The following POLN variants were observed in gnomAD, a reference collection of about 807,000 sequenced individuals.
POLN encodes DNA polymerase N.
Under a neutral mutation model 113.5 loss-of-function variants are expected in POLN, and 108 were observed. That is an observed-to-expected ratio of 0.95 (90% CI 0.81 to 1.12). The LOEUF (loss-of-function observed/expected upper bound fraction) is 1.12. Among genes scored for constraint, POLN ranks in the 50% most tolerant of loss-of-function variants. The pLI, the probability that POLN is intolerant of heterozygous loss-of-function variation, is 0.00. For synonymous variants in POLN, 386 were observed against 391.5 expected (o/e 0.99, Z 0.17); for missense variants, 1,097 against 1,077.1 (o/e 1.02, Z -0.26).
At chr4:2,182,761 GT>G (rs1404140769) in intron 7 of POLN, among the ~76,000 whole-genome samples, 1 of 151,118 alleles carries the variant, frequency 6.6e-6, no homozygotes, top group Non-Finnish European at 1.5e-5. Flanking sequence ...TTAAACAATA[GT>G]TTCTTAGATT....
rs1047167811 is a variant in POLN, at chr4:2,241,471, A to C, written c.-13+49T>G. On this transcript the variant is annotated intron_variant, in intron 2 of 25. Transcript: ENST00000511885. Reference sequence around the variant, plus strand: ...TCTTCCCTGCCCTCCGTACGTAAGAAGACGCAAATAAGCATGGCACATCTT... The same window carrying C: ...TCTTCCCTGCCCTCCGTACGTAAGACGACGCAAATAAGCATGGCACATCTT... 5.0e-5 allele frequency: 49 copies of C among 984,390 alleles called. No individual in the cohort carries two copies. The Middle Eastern group carries it at 2.6e-3, about 53-fold the overall frequency. 61.0% of individuals were successfully genotyped at this position (984,390 alleles called of 1,614,324 possible).
chr4:2,225,509 G>A lies in POLN; in HGVS notation c.133+3590C>T, dbSNP rs139941842. On this transcript the variant is annotated intron_variant, in intron 3 of 25. Transcript: ENST00000511885. Reference sequence around the variant, plus strand: ...GGGGGGGTTGCAGTGAGCCGAGATCGCACCACTGTACTCCAGCTTGGGTGA... The same window carrying A: ...GGGGGGGTTGCAGTGAGCCGAGATCACACCACTGTACTCCAGCTTGGGTGA... 7.7e-3 allele frequency among the ~76,000 whole-genome samples: 1,170 copies of A among 151,270 alleles called. 17 individuals are homozygous for A. The highest frequency in any genetic ancestry group is 0.027 in the African/African-American group (1,108 of 41,110).
intron 16 of POLN, among the ~76,000 whole-genome samples, chr4:2,142,497 A>G (rs1732027367): frequency 6.6e-6 from 1 of 152,216 alleles, no homozygotes; most frequent in South Asian, 2.1e-4. Context: ...AGATACAACT[A>G]AAACCCTGGG....
chr4:2,090,605 G>A (rs965928106), intron 20 of POLN: 71 of 435,958 alleles, frequency 1.6e-4, no homozygotes, highest in African/African-American at 1.4e-3. Flanking sequence ...CGAACATTCC[G>A]ATGCTGGGCC....
At chr4:2,095,957 A>C in intron 19 of POLN, 24 bp from the exon 20 acceptor site, 1 of 1,609,162 alleles carries the variant, frequency 6.2e-7, no homozygotes, top group Non-Finnish European at 8.5e-7. Context: ...CCATGTGTGA[A>C]GTTCAGGCAC....
At chr4:2,182,442 G>C (rs1433347756) in intron 7 of POLN, among the ~76,000 whole-genome samples, 1 of 152,176 alleles carries the variant, frequency 6.6e-6, no homozygotes, top group Admixed American at 6.5e-5. Flanking sequence ...ACAAGTCAAG[G>C]AGTGAAAAGG....
intron 13 of POLN, among the ~76,000 whole-genome samples, chr4:2,168,523 T>G (rs1732784155): frequency 6.6e-6 from 1 of 152,216 alleles, no homozygotes; most frequent in South Asian, 2.1e-4. Flanking sequence ...AATGAGCTCC[T>G]CGTGAAAGCT....
chr4:2,202,054 C>T (rs866388974), intron 5 of POLN, among the ~76,000 whole-genome samples: 1 of 152,076 alleles, frequency 6.6e-6, no homozygotes, highest in African/African-American at 2.4e-5. Flanking sequence ...CCTGGAAACA[C>T]ATCAAAACAG....
intron 5 of POLN, among the ~76,000 whole-genome samples, chr4:2,201,055 C>A (rs1025188961): frequency 1.8e-4 from 27 of 151,882 alleles, no homozygotes; most frequent in African/African-American, 6.5e-4. Flanking sequence ...ATCATGAGGT[C>A]GGGAGATCGA....
At chr4:2,223,220 TGTTATGAAAACATCATAGATCAAGG>T (rs1734303617) in intron 3 of POLN, among the ~76,000 whole-genome samples, 1 of 152,162 alleles carries the variant, frequency 6.6e-6, no homozygotes, top group Non-Finnish European at 1.5e-5. Flanking sequence ...GTGATTTCAT[TGTTATGAAAACATCATAGATCAAGG>T]GTCCCCAACC....
rs191767457 is a variant in POLN, at chr4:2,184,073, T to G, written c.1022-4608A>C. On this transcript the variant is annotated intron_variant, in intron 7 of 25. Coordinates refer to ENST00000511885, the MANE Select transcript of POLN (RefSeq NM_181808.4). Reference sequence around the variant, plus strand: ...TTCACCATGTTGGCCAGGCTGGTCTTGAACTCCTGACCTCAGGTGATCCAC... The same window carrying G: ...TTCACCATGTTGGCCAGGCTGGTCTGGAACTCCTGACCTCAGGTGATCCAC... Among the ~76,000 whole-genome samples, 349 of 151,816 alleles carry G rather than the reference T, an allele frequency of 2.3e-3. 1 individual carries two copies. The highest frequency in any genetic ancestry group is 4.2e-3 in the South Asian group (20 of 4,796).
At chr4:2,113,429 A>C (rs2108713362) in intron 19 of POLN, among the ~76,000 whole-genome samples, 1 of 152,254 alleles carries the variant, frequency 6.6e-6, no homozygotes, top group South Asian at 2.1e-4. Context: ...TCTTTAAGTC[A>C]TCACAATCTA....
At position 2,072,183 on chromosome 4, in the gene POLN, C is replaced by G. The variant is rs1387912261; in HGVS notation, c.2634G>C (p.Leu878=). Residue 878 remains leucine, a synonymous_variant, in exon 26 of 26, where the codon CTG becomes CTC. Transcript: ENST00000511885. ...TGCTGGCAGGGGACCCAGGGGCAGC[C>G]AGGCTGTTGCTGGGAGACTCAGTGC... ...PCRTESPSNS[L]AAPGSPASTQ... is the part of the protein sequence containing the mutation. 6.2e-7 allele frequency: 1 copy of G among 1,611,144 alleles called. No individual in the cohort carries two copies. The highest frequency in any genetic ancestry group is 8.5e-7 in the Non-Finnish European group (1 of 1,178,696).
chr4:2,089,372 G>A, intron 20 of POLN: 1 of 1,391,254 alleles, frequency 7.2e-7, no homozygotes, highest in East Asian at 2.5e-5. Flanking sequence ...TGTGACAGGG[G>A]AAAGGATCCC....
In POLN at chr4:2,164,802, C is replaced by CAAAA. The variant is rs33935159; in HGVS notation, c.1555-5595_1555-5592dup. On this transcript the variant is annotated intron_variant, in intron 13 of 25. Coordinates refer to ENST00000511885, the MANE Select transcript of POLN (RefSeq NM_181808.4). ...TGGCCGATGGAGCAAGACTCTGTCT[C>CAAAA]AAAAAAAAAAAAAAAAAAAAAAAAA... Among the ~76,000 whole-genome samples, 15 of 28,718 alleles carry CAAAA rather than the reference C, an allele frequency of 5.2e-4. 3 individuals carry two copies. Among genetic ancestry groups the CAAAA allele is most frequent in the Non-Finnish European group, 8.3e-4 (12 of 14,520 alleles). The allele number at this position is 28,718 out of a possible 152,430, so 18.8% of individuals were successfully genotyped here.
chr4:2,125,502 G>C (rs922488935), intron 19 of POLN, among the ~76,000 whole-genome samples: 1 of 152,200 alleles, frequency 6.6e-6, no homozygotes, highest in Non-Finnish European at 1.5e-5. Context: ...AGAATATTAA[G>C]GGCTTCTCTC....
At position 2,208,551 on chromosome 4, in the gene POLN, C is replaced by T. The variant is rs1733915723; in HGVS notation, c.214-64G>A. ...TCATAAGACAGATCTATAAACTAAA[C>T]TAATTTCTGGTAAAAACTTGTCTAA... On this transcript the variant is annotated intron_variant, in intron 4 of 25. Coordinates refer to ENST00000511885, the MANE Select transcript of POLN (RefSeq NM_181808.4). The T allele has an allele frequency of 2.3e-6, 3 of 1,331,046 alleles. No homozygotes were observed. In the South Asian group the frequency reaches 4.8e-5, roughly 21 times the overall value. 82.5% of individuals were successfully genotyped at this position (1,331,046 alleles called of 1,614,324 possible).
At chr4:2,079,222 C>T (rs1730346389) in intron 23 of POLN, 3 of 220,750 alleles carry the variant, frequency 1.4e-5, no homozygotes, top group Admixed American at 6.5e-5. Context: ...TGAGCCACTG[C>T]GCCCAGCCTT....
At chr4:2,090,386 G>A (rs930179177) in intron 20 of POLN, 3 of 655,764 alleles carry the variant, frequency 4.6e-6, no homozygotes, top group Admixed American at 5.1e-5. Context: ...AAACGAGCTT[G>A]ATTAAATCCA....
Sources: allele counts gnomAD v4.1 joint callset (sites outside exome capture counted in the v4.1 genomes callset), GRCh38; gene constraint gnomAD v4.1.1; transcripts MANE v1.5; gene names NCBI Gene and HGNC (gene_info 2026-07-23, HGNC 2026-07-21).